PITRM1: variants seen among roughly 807,000 people sequenced by gnomAD.
PITRM1 encodes pitrilysin metallopeptidase 1, also known as presequence protease, mitochondrial.
In PITRM1, 100 loss-of-function variants were observed where a neutral mutation model predicts 129.9. That is an observed-to-expected ratio of 0.77 (90% CI 0.65 to 0.91). The LOEUF (loss-of-function observed/expected upper bound fraction) is 0.91. PITRM1 is among the 40% of genes least tolerant of loss of function. PITRM1 has a pLI of 0.00. For missense variants in PITRM1, 1,471 were observed against 1,318.3 expected, an observed-to-expected ratio of 1.12 and a Z score of -1.79; for synonymous variants, 591 against 508.8, an observed-to-expected ratio of 1.16 and a Z score of -2.17.
chr10:3,157,118 C>A (rs781140217), intron 12 of PITRM1, 54 bp from the exon 13 acceptor site: 22 of 1,518,810 alleles, frequency 1.4e-5, no homozygotes, highest in Non-Finnish European at 2.0e-5. Flanking sequence ...GTACAACCTC[C>A]ACCAACAGCC....
intron 2 of PITRM1, among the ~76,000 whole-genome samples, 156 bp from the exon 3 acceptor site, chr10:3,167,198 T>C (rs1446501720): frequency 6.6e-5 from 10 of 152,110 alleles, no homozygotes; most frequent in African/African-American, 2.4e-4. Flanking sequence ...AACCATCTTG[T>C]CCAGGTCCCT....
intron 9 of PITRM1, among the ~76,000 whole-genome samples, chr10:3,159,272 C>G (rs1842238841): frequency 6.6e-6 from 1 of 152,194 alleles, no homozygotes; most frequent in Admixed American, 6.5e-5. Flanking sequence ...CACCATGGGA[C>G]AGCCTGCCAA....
intron 15 of PITRM1, 43 bp downstream of exon 15, chr10:3,151,204 C>T: frequency 2.7e-6 from 3 of 1,108,190 alleles, no homozygotes; most frequent in African/African-American, 3.1e-5. Context: ...TTAATTCCCC[C>T]AAGGAACCCG....
Position 3,165,480 on chromosome 10 carries a change from A to G in PITRM1, c.466T>C (p.Phe156Leu). The G allele has an allele frequency of 6.2e-7, 1 of 1,613,622 alleles. No individual in the cohort carries two copies. Among genetic ancestry groups the G allele is most frequent in the Non-Finnish European group, 8.5e-7 (1 of 1,179,652 alleles). Residue 156 changes from phenylalanine (F) to leucine (L), a missense_variant, in exon 5 of 27, where the codon TTT becomes CTT. By Grantham distance (22) the Phe-to-Leu change is conservative. Coordinates refer to ENST00000224949, the MANE Select transcript of PITRM1 (RefSeq NM_014889.4). ...YPFSTQNPKD[F>L]QNLLSVYLDA... ...AAATACACCGAGAGGAGATTCTGAA[A>G]GTCCTTGGGATTTTGTGTGGAAAAT...
intron 14 of PITRM1, among the ~76,000 whole-genome samples, chr10:3,154,002 C>T (rs1289241447): frequency 6.6e-6 from 1 of 152,200 alleles, no homozygotes; most frequent in Non-Finnish European, 1.5e-5. Flanking sequence ...AGTACTGGGC[C>T]TTTCTAGCAC....
intron 3 of PITRM1, 127 bp downstream of exon 3, chr10:3,166,809 A>G: frequency 1.7e-6 from 1 of 578,398 alleles, no homozygotes; most frequent in Non-Finnish European, 3.1e-6. Context: ...CCTTAGTGTT[A>G]GTGTATTTTA....
chr10:3,167,636 CTGAG>C lies in PITRM1; in HGVS notation c.160-598_160-595del, dbSNP rs140963149. 6.7e-3 allele frequency among the ~76,000 whole-genome samples: 1,016 copies of C among 152,326 alleles called. 6 individuals carry two copies. Among genetic ancestry groups the C allele is most frequent in the Non-Finnish European group, 9.6e-3 (652 of 68,030 alleles). On this transcript the variant is annotated intron_variant, in intron 2 of 26. Transcript: ENST00000224949. ...AACACAGCGCCCCTTCCAATGTCTG[CTGAG>C]TGTCTCCTGCTTTTGTGTGCTGCGC...
intron 23 of PITRM1, chr10:3,141,879 G>T: frequency 4.4e-6 from 1 of 225,044 alleles, no homozygotes; most frequent in Admixed American, 5.4e-5. Context: ...CGGGTGGCTG[G>T]GGCGCCGTCA....
In PITRM1 at chr10:3,149,664, C is replaced by T; in HGVS notation, c.1828G>A (p.Glu610Lys). ...AAGAGGGGCACATAGGGCCTCAGCT[C>T]CTCGGGGAGTGTGTTCAGGCTGGAG... ...AFSSLNTLPE[E>K]LRPYVPLFCS... Residue 610 changes from glutamate (E) to lysine (K), a missense_variant, in exon 16 of 27, where the codon GAG becomes AAG. Transcript: ENST00000224949. The T allele has an allele frequency of 6.2e-7, 1 of 1,604,094 alleles. No individual in the cohort carries two copies. Among genetic ancestry groups the T allele is most frequent in the Non-Finnish European group, 8.5e-7 (1 of 1,176,350 alleles).
At chr10:3,172,325 T>C (rs1041354558) in intron 1 of PITRM1, 15 of 491,692 alleles carry the variant, frequency 3.1e-5, no homozygotes, top group Non-Finnish European at 4.7e-5. Flanking sequence ...ACTTTAAGTA[T>C]GGGCTGTGGG....
intron 24 of PITRM1, among the ~76,000 whole-genome samples, chr10:3,140,226 G>A (rs985606566): frequency 5.3e-5 from 8 of 152,350 alleles, no homozygotes; most frequent in Non-Finnish European, 7.3e-5. Flanking sequence ...TACCCACAGC[G>A]TATCTGATAC....
chr10:3,166,922 A>G lies in PITRM1; in HGVS notation c.266+14T>C, dbSNP rs1187366298. 1 of 1,459,668 alleles carries G rather than the reference A, an allele frequency of 6.9e-7. No homozygotes were observed. Among genetic ancestry groups the G allele is most frequent in the Admixed American group, 1.8e-5 (1 of 54,214 alleles). 90.4% of individuals were successfully genotyped at this position (1,459,668 alleles called of 1,614,324 possible). A position where few individuals can be genotyped will look rare whatever the true frequency, so the allele number is the denominator to read the frequency against. On this transcript the variant is annotated intron_variant, in intron 3 of 26. Transcript: ENST00000224949. ...AAAACATTCAAGACCATGTTCTTAC[A>G]ATGCACCACACACCTGAACAGATTA... is the stretch of plus-strand genomic sequence containing the variant.
chr10:3,163,871 C>T lies in PITRM1; in HGVS notation c.645G>A (p.Arg215=), dbSNP rs547538282. ...EMKGAFTDNE[R]IFSQHLQNRL... ...TGTTCTGAAGGTGCTGGGAGAATAT[C>T]CTCTCATTGTCTGTCTTGAAACGTA... is the stretch of plus-strand genomic sequence containing the variant. Residue 215 remains arginine, a synonymous_variant, in exon 7 of 27, where the codon AGG becomes AGA. Coordinates refer to ENST00000224949, the MANE Select transcript of PITRM1 (RefSeq NM_014889.4). The T allele has an allele frequency of 1.5e-5, 24 of 1,604,230 alleles. 1 individual carries two copies. The highest frequency in any genetic ancestry group is 3.4e-4 in the Middle Eastern group (2 of 5,952).
chr10:3,162,095 C>T (rs1008257293), intron 7 of PITRM1, among the ~76,000 whole-genome samples: 11 of 149,382 alleles, frequency 7.4e-5, no homozygotes, highest in Non-Finnish European at 1.2e-4. Context: ...GAGGCTGAGG[C>T]TGCAGTAAGA....
chr10:3,171,502 G>A lies in PITRM1; in HGVS notation c.56+1215C>T, dbSNP rs57251181. Among the ~76,000 whole-genome samples the A allele has an allele frequency of 5.3e-3, 810 of 152,208 alleles. 5 individuals are homozygous for A. Among genetic ancestry groups the A allele is most frequent in the Middle Eastern group, 0.034 (10 of 294 alleles). On this transcript the variant is annotated intron_variant, in intron 1 of 26. Coordinates refer to ENST00000224949, the MANE Select transcript of PITRM1 (RefSeq NM_014889.4). ...TCTGTTGCCCAGGCTGGAGTGCAGC[G>A]GTGCAATCTCGACTCACTGCAACCT...
intron 21 of PITRM1, among the ~76,000 whole-genome samples, chr10:3,144,602 A>G (rs1225987051): frequency 6.6e-6 from 1 of 152,170 alleles, no homozygotes; most frequent in Non-Finnish European, 1.5e-5. Flanking sequence ...CAGGAGTCTG[A>G]GACCAGCCTG....
chr10:3,149,890 CCAAT>C, intron 15 of PITRM1, 137 bp from the exon 16 acceptor site: 2 of 912,026 alleles, frequency 2.2e-6, no homozygotes, highest in Admixed American at 2.5e-5. Flanking sequence ...TATAAATTTC[CCAAT>C]CATATTTTCA....
chr10:3,140,578 C>A (rs999709481), intron 24 of PITRM1, 109 bp downstream of exon 24: 1 of 1,034,822 alleles, frequency 9.7e-7, no homozygotes, highest in Non-Finnish European at 1.4e-6. Context: ...GCACACAGAA[C>A]AACTTTTGTC....
rs763093078 is a variant in PITRM1, at chr10:3,148,033, G to A, written c.2023C>T (p.Arg675Ter). The change falls in exon 18 of 27, where the codon CGA becomes TGA. Residue 675 changes from arginine to a stop codon, truncating the protein, a stop_gained. Transcript: ENST00000224949. LOFTEE classifies it high-confidence loss of function. ...GVLFSSLCLD[R>*]NLPDMMQLWS... ...AGCTGCATCATGTCTGGCAGGTTTC[G>A]ATCCAGGCAGAGAGAGGAGAAAAGC... is the stretch of plus-strand genomic sequence containing the variant. 8.7e-6 allele frequency: 14 copies of A among 1,613,478 alleles called. No individual in the cohort carries two copies. Among genetic ancestry groups the A allele is most frequent in the East Asian group, 6.7e-5 (3 of 44,882 alleles).
Sources: gnomAD v4.1 joint callset for allele counts (sites outside exome capture counted in the v4.1 genomes callset) on GRCh38, gnomAD v4.1.1 for gene constraint, MANE v1.5 for transcripts, NCBI Gene and HGNC (gene_info 2026-07-23, HGNC 2026-07-21) for gene names.